Variants in EYS observed in about 807,000 individuals in gnomAD.
The protein encoded by EYS is EGF-like photoreceptor maintenance factor, also known as protein eyes shut homolog.
A neutral mutation model predicts 282.1 loss-of-function variants in EYS; 250 were observed. That is an observed-to-expected ratio of 0.89 (90% CI 0.80 to 0.98). EYS has a LOEUF of 0.98. Ranked by LOEUF, EYS falls within the 50% of genes least tolerant of loss-of-function variation. EYS has a pLI of 0.00. For synonymous variants in EYS, 1,355 were observed against 1,282.9 expected (o/e 1.06, Z -1.20); for missense variants, 4,016 against 3,709.0 (o/e 1.08, Z -2.15).
chr6:64,958,720 A>G (rs1399731321), intron 14 of EYS, among the ~76,000 whole-genome samples: 2 of 131,038 alleles, frequency 1.5e-5, no homozygotes, highest in Admixed American at 8.8e-5. Context: ...GGGCGACAAA[A>G]CGAGACTCCG....
chr6:65,296,159 C>T, intron 11 of EYS, 40 bp from the exon 12 acceptor site: 1 of 1,490,984 alleles, frequency 6.7e-7, no homozygotes, highest in Non-Finnish European at 8.9e-7. Context: ...TAGTCATATA[C>T]TTTATTTTGA....
rs141706528 is a variant in EYS, at chr6:64,158,209, G to T, written c.6424+72383C>A. 3.6e-4 allele frequency among the ~76,000 whole-genome samples: 55 copies of T among 152,212 alleles called. 1 individual carries two copies. The highest frequency in any genetic ancestry group is 7.2e-4 in the Non-Finnish European group (49 of 68,014). On this transcript the variant is annotated intron_variant, in intron 31 of 42. Coordinates refer to ENST00000503581, the MANE Select transcript of EYS (RefSeq NM_001142800.2). ...ATATTTTCTGTCTCTTTTCCACTAG[G>T]ATGTACACTCCATGATGTAGGTATT...
At chr6:64,767,868 C>G (rs1463666724) in intron 22 of EYS, among the ~76,000 whole-genome samples, 1 of 152,088 alleles carries the variant, frequency 6.6e-6, no homozygotes, top group East Asian at 1.9e-4. Context: ...ATATTTTTCT[C>G]CATAGTGACT....
At chr6:63,840,201 C>G (rs1414773406) in intron 36 of EYS, among the ~76,000 whole-genome samples, 2 of 98,380 alleles carry the variant, frequency 2.0e-5, no homozygotes, top group South Asian at 6.9e-4. Context: ...TTGCCTGCCA[C>G]CATGCCCATC....
At chr6:64,069,040 G>A (rs1316766161) in intron 32 of EYS, among the ~76,000 whole-genome samples, 2 of 151,968 alleles carry the variant, frequency 1.3e-5, no homozygotes, top group African/African-American at 4.8e-5. Context: ...AGACTGGAGT[G>A]ATGCAGCCAC....
chr6:65,650,626 C>T (rs529155948), intron 1 of EYS, among the ~76,000 whole-genome samples: 5 of 152,230 alleles, frequency 3.3e-5, no homozygotes, highest in African/African-American at 1.2e-4. Context: ...ATTATTTTCC[C>T]TCTATTCTTG....
At position 65,410,370 on chromosome 6, in the gene EYS, C is replaced by T. The variant is rs1008114958; in HGVS notation, c.863-5003G>A. On this transcript the variant is annotated intron_variant, in intron 5 of 42. Transcript: ENST00000503581. Reference sequence around the variant, plus strand: ...GGGATAGTTAGTATATCTATCACCTCATGCCTTTATCATTTATTCGTGGCA... The same window carrying T: ...GGGATAGTTAGTATATCTATCACCTTATGCCTTTATCATTTATTCGTGGCA... Among the ~76,000 whole-genome samples, 31 of 152,014 alleles carry T rather than the reference C, an allele frequency of 2.0e-4. 1 individual carries two copies. Among genetic ancestry groups the T allele is most frequent in the African/African-American group, 5.6e-4 (23 of 41,420 alleles).
At chr6:64,469,432 T>A (rs1382411720) in intron 26 of EYS, among the ~76,000 whole-genome samples, 1 of 152,176 alleles carries the variant, frequency 6.6e-6, no homozygotes, top group Non-Finnish European at 1.5e-5. Flanking sequence ...GTACTTACTC[T>A]TTATTCCAAT....
intron 31 of EYS, among the ~76,000 whole-genome samples, chr6:64,135,278 C>T (rs1378796426): frequency 6.6e-6 from 1 of 151,650 alleles, no homozygotes; most frequent in Non-Finnish European, 1.5e-5. Context: ...ATGGGAGATC[C>T]TCAAGAAATT....
intron 1 of EYS, among the ~76,000 whole-genome samples, chr6:65,691,428 T>G (rs1201323170): frequency 6.6e-6 from 1 of 150,410 alleles, no homozygotes; most frequent in Admixed American, 6.7e-5. Context: ...TTGATAGGGT[T>G]GTTTGTTTTT....
chr6:63,938,255 C>T (rs954829618), intron 35 of EYS, among the ~76,000 whole-genome samples: 5 of 152,114 alleles, frequency 3.3e-5, no homozygotes, highest in Non-Finnish European at 5.9e-5. Context: ...CAGACCCAAC[C>T]ACAGTCTAAT....
At chr6:64,863,057 C>T (rs569133168) in intron 19 of EYS, among the ~76,000 whole-genome samples, 1 of 152,246 alleles carries the variant, frequency 6.6e-6, no homozygotes, top group South Asian at 2.1e-4. Flanking sequence ...TTTTAATCCT[C>T]TCAAATGTTA....
intron 26 of EYS, among the ~76,000 whole-genome samples, chr6:64,439,575 A>G (rs1414313419): frequency 2.6e-5 from 4 of 151,850 alleles, no homozygotes; most frequent in Non-Finnish European, 5.9e-5. Flanking sequence ...AGGCAAGGAA[A>G]TCAAGATGAT....
At position 64,453,753 on chromosome 6, in the gene EYS, A is replaced by T. The variant is rs567389479; in HGVS notation, c.5645-14401T>A. 1.1e-4 allele frequency among the ~76,000 whole-genome samples: 16 copies of T among 152,238 alleles called. No individual in the cohort carries two copies. In the South Asian group the frequency reaches 3.3e-3, roughly 32 times the overall value. On this transcript the variant is annotated intron_variant, in intron 26 of 42. Transcript: ENST00000503581. ...ACCATCATTCTCAGCACACTATCAC[A>T]AGGAGAAAAAACCAAACACCGCATG...
chr6:64,589,220 C>A (rs1766323547), intron 26 of EYS, among the ~76,000 whole-genome samples: 1 of 151,858 alleles, frequency 6.6e-6, no homozygotes, highest in Non-Finnish European at 1.5e-5. Flanking sequence ...ATTTTGTAGA[C>A]AAAATTATAT....
chr6:65,580,996 A>T (rs772206691), intron 2 of EYS, among the ~76,000 whole-genome samples: 3 of 152,118 alleles, frequency 2.0e-5, no homozygotes, highest in Non-Finnish European at 4.4e-5. Context: ...AATCTATTCA[A>T]TTGCAATGAG....
intron 22 of EYS, chr6:64,730,948 T>C (rs778553355): frequency 2.2e-4 from 33 of 152,216 alleles, no homozygotes; most frequent in Non-Finnish European, 3.8e-4. Flanking sequence ...AGGATCCATT[T>C]ACTTCTGCTT....
At chr6:65,470,649 A>G (rs1285685103) in intron 5 of EYS, among the ~76,000 whole-genome samples, 2 of 152,186 alleles carry the variant, frequency 1.3e-5, no homozygotes, top group African/African-American at 2.4e-5. Context: ...AGACATGAAA[A>G]TAATCTGAAA....
intron 41 of EYS, among the ~76,000 whole-genome samples, chr6:63,731,175 C>T (rs1200293297): frequency 6.6e-6 from 1 of 152,114 alleles, no homozygotes; most frequent in African/African-American, 2.4e-5. Context: ...CCACAACCAG[C>T]AGAGGGTGAC....
Sources: allele counts gnomAD v4.1 joint callset (sites outside exome capture counted in the v4.1 genomes callset), GRCh38; gene constraint gnomAD v4.1.1; transcripts MANE v1.5; gene names NCBI Gene and HGNC (gene_info 2026-07-23, HGNC 2026-07-21).